The following AP2B1 variants were observed in gnomAD, a reference collection of about 807,000 sequenced individuals.
The protein encoded by AP2B1 is AP-2 complex subunit beta.
Under a neutral mutation model 102.0 loss-of-function variants are expected in AP2B1, and 23 were observed. The observed-to-expected ratio is 0.23, with a 90% CI of 0.16 to 0.32. The LOEUF (loss-of-function observed/expected upper bound fraction) is 0.32, where lower values mean the gene tolerates loss of function less well. Ranked by LOEUF, AP2B1 falls within the 10% of genes least tolerant of loss-of-function variation. The pLI is 1.00. For missense variants in AP2B1, 541 were observed against 1,157.4 expected (o/e 0.47, Z 7.73); for synonymous variants, 381 against 421.2 (o/e 0.90, Z 1.17).
intron 16 of AP2B1, among the ~76,000 whole-genome samples, chr17:35,672,233 G>A (rs1176958205): frequency 6.6e-6 from 1 of 152,154 alleles, no homozygotes; most frequent in East Asian, 1.9e-4. Context: ...AGAAAAAAAT[G>A]CAGAGAAGTC....
At chr17:35,687,622 AT>A (rs767978256) in intron 18 of AP2B1, among the ~76,000 whole-genome samples, 2 of 152,066 alleles carry the variant, frequency 1.3e-5, no homozygotes, top group Non-Finnish European at 2.9e-5. Context: ...ATCATGGCTC[AT>A]TGCAGCCTCA....
At chr17:35,722,782 G>A (rs2085440292) in intron 21 of AP2B1, among the ~76,000 whole-genome samples, 1 of 152,116 alleles carries the variant, frequency 6.6e-6, no homozygotes, top group African/African-American at 2.4e-5. Flanking sequence ...TGGTTCTAGA[G>A]TGCGTTTTGC....
At chr17:35,588,725 G>A (rs1385218396) in intron 1 of AP2B1, 1 of 152,208 alleles carries the variant, frequency 6.6e-6, no homozygotes, top group African/African-American at 2.4e-5. Context: ...GACTAAGCGT[G>A]CTGGTAAGGT....
rs1284430403 is a variant in AP2B1 at position 35,627,467 on chromosome 17, A to G, written c.1021A>G (p.Ile341Val). 6.2e-7 allele frequency: 1 copy of G among 1,614,136 alleles called. No homozygotes were observed. Among genetic ancestry groups the G allele is most frequent in the Non-Finnish European group, 8.5e-7 (1 of 1,180,022 alleles). Reference protein sequence around the residue: ...PIYVKLEKLDIMIRLASQANI... With the variant: ...PIYVKLEKLDVMIRLASQANI... ...CTATGTTAAACTAGAGAAGTTGGAC[A>G]TCATGATTCGTTTGGCATCTCAAGC... Residue 341 changes from isoleucine (I) to valine (V), a missense_variant, in exon 8 of 22, where the codon ATC (isoleucine) becomes GTC (valine). Ile to Val is a conservative substitution (Grantham distance 29). Transcript: ENST00000610402.
intron 17 of AP2B1, among the ~76,000 whole-genome samples, chr17:35,675,205 A>G (rs545210719): frequency 6.6e-6 from 1 of 152,206 alleles, no homozygotes; most frequent in South Asian, 2.1e-4. Flanking sequence ...AGTGGGTTTT[A>G]TTCAGTTTTA....
At chr17:35,706,715 A>G (rs985501043) in intron 18 of AP2B1, among the ~76,000 whole-genome samples, 1 of 151,652 alleles carries the variant, frequency 6.6e-6, no homozygotes, top group African/African-American at 2.4e-5. Flanking sequence ...ATCTCGGCTC[A>G]CTGCAACCTC....
Position 35,626,608 on chromosome 17 carries a change from T to G in AP2B1, c.717-13T>G, listed in dbSNP as rs1347662936. On this transcript the variant is annotated splice_polypyrimidine_tract_variant and intron_variant, in intron 6 of 21. Transcript: ENST00000610402. Reference sequence around the variant, plus strand: ...TATAATTCATGATATTAATTTTCATTCTCCACCCTCAGCATCTGTGAGCGG... The same window carrying G: ...TATAATTCATGATATTAATTTTCATGCTCCACCCTCAGCATCTGTGAGCGG... 3.2e-6 allele frequency: 5 copies of G among 1,578,612 alleles called. No homozygotes were observed. The South Asian group carries it at 5.6e-5, about 18-fold the overall frequency.
intron 4 of AP2B1, 125 bp from the exon 5 acceptor site, chr17:35,608,017 A>C (rs933796663): frequency 8.9e-7 from 1 of 1,125,596 alleles, no homozygotes; most frequent in African/African-American, 1.5e-5. Flanking sequence ...GGAAGATTGG[A>C]GCTCATGTAG....
chr17:35,661,164 C>T (rs1045237103), intron 14 of AP2B1, among the ~76,000 whole-genome samples: 2 of 151,928 alleles, frequency 1.3e-5, no homozygotes, highest in African/African-American at 2.4e-5. Context: ...ATATGGTTCT[C>T]AACTCTATCT....
intron 9 of AP2B1, among the ~76,000 whole-genome samples, chr17:35,631,056 A>G (rs2074447755): frequency 6.6e-6 from 1 of 152,222 alleles, no homozygotes; most frequent in East Asian, 1.9e-4. Context: ...TTTGGGAAGC[A>G]ACAAGCTGTT....
intron 5 of AP2B1, among the ~76,000 whole-genome samples, chr17:35,620,426 C>T (rs9906037): frequency 0.056 from 8,551 of 152,156 alleles, 393 homozygotes; most frequent in East Asian, 0.14. Context: ...GCCTGGGTGA[C>T]GGGCAAGACC....
intron 17 of AP2B1, among the ~76,000 whole-genome samples, chr17:35,678,611 TGATTA>T (rs2075751594): frequency 6.6e-6 from 1 of 152,218 alleles, no homozygotes; most frequent in Non-Finnish European, 1.5e-5. Flanking sequence ...TTTACTAAAA[TGATTA>T]TGTGAACTTT....
At chr17:35,612,929 AGT>A (rs1445503663) in intron 5 of AP2B1, among the ~76,000 whole-genome samples, 1 of 151,602 alleles carries the variant, frequency 6.6e-6, no homozygotes, top group East Asian at 1.9e-4. Flanking sequence ...ATTTTCTCAA[AGT>A]GTTTACGTTT....
chr17:35,722,654 A>C (rs587688770), intron 21 of AP2B1, among the ~76,000 whole-genome samples: 1 of 152,324 alleles, frequency 6.6e-6, no homozygotes, highest in East Asian at 1.9e-4. Flanking sequence ...GAGAATAAAG[A>C]GGTAAAATAG....
At chr17:35,642,994 C>G (rs1347716625) in intron 12 of AP2B1, among the ~76,000 whole-genome samples, 2 of 150,434 alleles carry the variant, frequency 1.3e-5, no homozygotes, top group East Asian at 3.9e-4. Flanking sequence ...GAATTCAAAA[C>G]AATTTCTTTA....
chr17:35,637,711 A>T (rs1177651736), intron 10 of AP2B1, among the ~76,000 whole-genome samples: 1 of 147,510 alleles, frequency 6.8e-6, no homozygotes, highest in Non-Finnish European at 1.5e-5. Flanking sequence ...TTTTTGAGAC[A>T]GTCTCACTCT....
At chr17:35,676,094 T>C (rs1420150348) in intron 17 of AP2B1, among the ~76,000 whole-genome samples, 1 of 152,200 alleles carries the variant, frequency 6.6e-6, no homozygotes, top group South Asian at 2.1e-4. Flanking sequence ...ATTAAGTCTT[T>C]TAGTGTGGAG....
chr17:35,713,084 A>T (rs956228857), intron 20 of AP2B1, among the ~76,000 whole-genome samples: 1 of 152,226 alleles, frequency 6.6e-6, no homozygotes, highest in Non-Finnish European at 1.5e-5. Flanking sequence ...TTGAACTCTT[A>T]TTGCACCTCG....
At position 35,725,782 on chromosome 17, in the gene AP2B1, A is replaced by G. The variant is rs74517971; in HGVS notation, c.*2083A>G. 9.2e-5 allele frequency: 14 copies of G among 152,734 alleles called. No homozygotes were observed. In the East Asian group the frequency reaches 2.7e-3, roughly 29 times the overall value. The allele number at this position is 152,734 out of a possible 1,614,324, so 9.5% of individuals were successfully genotyped here. A position where few individuals can be genotyped will look rare whatever the true frequency, so the allele number is the denominator to read the frequency against. On this transcript the variant is annotated 3_prime_UTR_variant, in exon 22 of 22. Transcript: ENST00000610402. ...AGCAAACTATCATTCCAGAAGGAAAAGTGTGTCAGGGCAAGCAGACAACAC... is the reference window on the plus strand; with the variant it reads ...AGCAAACTATCATTCCAGAAGGAAAGGTGTGTCAGGGCAAGCAGACAACAC...
Sources: gnomAD v4.1 joint callset for allele counts (sites outside exome capture counted in the v4.1 genomes callset) on GRCh38, gnomAD v4.1.1 for gene constraint, MANE v1.5 for transcripts, NCBI Gene and HGNC (gene_info 2026-07-23, HGNC 2026-07-21) for gene names.